Variants in PCDHGA6 observed in about 807,000 individuals in gnomAD.
The protein encoded by PCDHGA6 is protocadherin gamma-A6.
Under a neutral mutation model 60.6 loss-of-function variants are expected in PCDHGA6, and 41 were observed. That is an observed-to-expected ratio of 0.68 (90% CI 0.53 to 0.88). PCDHGA6 has a LOEUF of 0.88. Among genes scored for constraint, PCDHGA6 ranks in the 40% least tolerant of loss-of-function variants. The probability of loss-of-function intolerance (pLI) is 0.00; values close to 1 mark genes in which losing one functional copy is unlikely to be tolerated. For missense variants in PCDHGA6, 1,312 were observed against 1,203.0 expected (o/e 1.09, Z -1.34); for synonymous variants, 594 against 524.4 (o/e 1.13, Z -1.81).
intron 1 of PCDHGA6, among the ~76,000 whole-genome samples, chr5:141,460,709 A>G (rs2098995845): frequency 6.6e-6 from 1 of 151,794 alleles, no homozygotes; most frequent in Non-Finnish European, 1.5e-5. Flanking sequence ...ATGAGAATAA[A>G]CTATTGTTAT....
chr5:141,491,381 C>A lies in PCDHGA6; in HGVS notation c.2425-3426C>A. On this transcript the variant is annotated intron_variant, in intron 1 of 3. Transcript: ENST00000517434. This position sits in a 1 kb window ranked among gnomAD's most constrained non-coding sequence, Gnocchi z 6.9. ...CTAGTCACCTTCACCTTTCTGTCAGCGAAGTGCCTTCAGGGAAACGCAGAC... is the reference window on the plus strand; with the variant it reads ...CTAGTCACCTTCACCTTTCTGTCAGAGAAGTGCCTTCAGGGAAACGCAGAC... 2 of 1,614,068 alleles carry A rather than the reference C, an allele frequency of 1.2e-6. No homozygotes were observed. The highest frequency in any genetic ancestry group is 1.7e-6 in the Non-Finnish European group (2 of 1,179,950).
chr5:141,441,442 C>G (rs938839707), intron 1 of PCDHGA6: 1 of 160,500 alleles, frequency 6.2e-6, no homozygotes, highest in African/African-American at 2.4e-5. Context: ...CTCGTCCAGC[C>G]CAAGCATCAC....
rs747585516 is a variant in PCDHGA6, at chr5:141,409,120, A to G, written c.2424+32613A>G. ...CAGGTATGATTAAGAATAACCAGTC[A>G]TTTGATTTTGAAGATGTAGAAAGGT... On this transcript the variant is annotated intron_variant, in intron 1 of 3. Transcript: ENST00000517434. 6 of 1,613,844 alleles carry G rather than the reference A, an allele frequency of 3.7e-6. No homozygotes were observed. The African/African-American group carries it at 8.0e-5, about 22-fold the overall frequency.
chr5:141,421,125 C>G, intron 1 of PCDHGA6: 1 of 804,210 alleles, frequency 1.2e-6, no homozygotes, highest in Admixed American at 3.0e-5. Flanking sequence ...CCTTCGCTTT[C>G]TGATATATTT....
chr5:141,488,131 G>A (rs2099672034), intron 1 of PCDHGA6, among the ~76,000 whole-genome samples: 1 of 152,202 alleles, frequency 6.6e-6, no homozygotes, highest in Non-Finnish European at 1.5e-5. Context: ...GCAGAAAGAG[G>A]AGAGAACTAA....
At position 141,486,135 on chromosome 5, in the gene PCDHGA6, G is replaced by A. The variant is rs145871538; in HGVS notation, c.2425-8672G>A. ...GAGAATTACTATGAATTTGATGTGC[G>A]GGCTCGCGATGGGGGTTCTCCAGCC... On this transcript the variant is annotated intron_variant, in intron 1 of 3. Transcript: ENST00000517434. This position sits in a 1 kb window ranked among gnomAD's most constrained non-coding sequence, Gnocchi z 5.0. The A allele has an allele frequency of 1.9e-6, 3 of 1,614,168 alleles. No homozygotes were observed. Among genetic ancestry groups the A allele is most frequent in the Non-Finnish European group, 2.5e-6 (3 of 1,180,022 alleles).
intron 1 of PCDHGA6, chr5:141,399,703 C>T: frequency 1.2e-6 from 2 of 1,613,474 alleles, no homozygotes; most frequent in African/African-American, 1.3e-5. Flanking sequence ...CACCTTCGAA[C>T]TCACACTACA....
At chr5:141,400,089 C>T (rs200160561) in intron 1 of PCDHGA6, 568 of 1,613,960 alleles carry the variant, frequency 3.5e-4, no homozygotes, top group Non-Finnish European at 4.6e-4. Flanking sequence ...CCGCCACCGC[C>T]ACGCTGCACT....
At chr5:141,433,364 T>C (rs1246641841) in intron 1 of PCDHGA6, 1 of 524,614 alleles carries the variant, frequency 1.9e-6, no homozygotes, top group Admixed American at 3.5e-5. Context: ...TCTGCCTATC[T>C]ATCTATCTAT....
chr5:141,408,339 T>C lies in PCDHGA6; in HGVS notation c.2424+31832T>C, dbSNP rs768142301. 1.7e-5 allele frequency: 27 copies of C among 1,613,672 alleles called. No homozygotes were observed. In the Middle Eastern group the frequency reaches 9.9e-4, roughly 59 times the overall value. ...CCGGAGGAGCTGGCCAAGGGCTCGGTGGTGGGGAACCTCGCTAAGGATCTA... is the reference window on the plus strand; with the variant it reads ...CCGGAGGAGCTGGCCAAGGGCTCGGCGGTGGGGAACCTCGCTAAGGATCTA... On this transcript the variant is annotated intron_variant, in intron 1 of 3. Coordinates refer to ENST00000517434, the MANE Select transcript of PCDHGA6 (RefSeq NM_018919.3).
In PCDHGA6 at chr5:141,375,892, G is replaced by C. The variant is rs753797132; in HGVS notation, c.1809G>C (p.Trp603Cys). The change falls in exon 1 of 4, where the codon TGG (tryptophan) becomes TGC (cysteine). Residue 603 changes from tryptophan to cysteine, a missense_variant. Transcript: ENST00000517434. ...AVDRDSGQNA[W>C]LSYRLLKASE... is the part of the protein sequence containing the mutation. ...ACAGAGACTCGGGCCAGAACGCCTG[G>C]CTGTCCTACCGCCTGCTCAAGGCCA... is the stretch of plus-strand genomic sequence containing the variant. 5 of 1,613,676 alleles carry C rather than the reference G, an allele frequency of 3.1e-6. No individual in the cohort carries two copies. In the Admixed American group the frequency reaches 8.3e-5, roughly 27 times the overall value.
chr5:141,421,860 C>T (rs759779291), intron 1 of PCDHGA6: 1 of 1,613,750 alleles, frequency 6.2e-7, no homozygotes. Flanking sequence ...CTCACCTGCT[C>T]CTCCTCACAG....
At position 141,490,776 on chromosome 5, in the gene PCDHGA6, G is replaced by A. The variant is rs1234115299; in HGVS notation, c.2425-4031G>A. 4.3e-6 allele frequency: 7 copies of A among 1,614,162 alleles called. No individual in the cohort carries two copies. Among genetic ancestry groups the A allele is most frequent in the African/African-American group, 1.3e-5 (1 of 75,066 alleles). On this transcript the variant is annotated intron_variant, in intron 1 of 3. Transcript: ENST00000517434. This position sits in a 1 kb window ranked among gnomAD's most constrained non-coding sequence, Gnocchi z 5.4. ...CCTCCTTTGTGTATGTCAACCCAGA[G>A]GATGGACGGATCTTTGCCCAGCGTA...
chr5:141,415,603 T>C, intron 1 of PCDHGA6: 6 of 1,613,954 alleles, frequency 3.7e-6, no homozygotes, highest in Non-Finnish European at 5.1e-6. Flanking sequence ...GGATACCCCA[T>C]TGGTTCCAGT....
chr5:141,394,748 C>G (rs960054108), intron 1 of PCDHGA6: 7 of 1,613,296 alleles, frequency 4.3e-6, no homozygotes, highest in Non-Finnish European at 5.9e-6. Flanking sequence ...TCGTGGTGGC[C>G]GTCCAGGACC....
chr5:141,408,055 C>T lies in PCDHGA6; in HGVS notation c.2424+31548C>T, dbSNP rs1012762205. 35 of 1,299,012 alleles carry T rather than the reference C, an allele frequency of 2.7e-5. No homozygotes were observed. In the South Asian group the frequency reaches 3.8e-4, roughly 14 times the overall value. 80.5% of individuals were successfully genotyped at this position (1,299,012 alleles called of 1,614,324 possible). On this transcript the variant is annotated intron_variant, in intron 1 of 3. Coordinates refer to ENST00000517434, the MANE Select transcript of PCDHGA6 (RefSeq NM_018919.3). ...AAAACCAGCTCCCACACAGAGCCTCCCGGCTGCGCAGACCTTTCCCAGCAC... is the reference window on the plus strand; with the variant it reads ...AAAACCAGCTCCCACACAGAGCCTCTCGGCTGCGCAGACCTTTCCCAGCAC...
At chr5:141,499,186 T>A (rs1332703037) in intron 2 of PCDHGA6, among the ~76,000 whole-genome samples, 2 of 152,036 alleles carry the variant, frequency 1.3e-5, no homozygotes, top group Non-Finnish European at 2.9e-5. Context: ...AGCAAACCAT[T>A]TCCCCCTTCT....
At chr5:141,428,019 G>C in intron 1 of PCDHGA6, 1 of 1,604,824 alleles carries the variant, frequency 6.2e-7, no homozygotes, top group Non-Finnish European at 8.5e-7. Flanking sequence ...AGTGCCACGC[G>C]CCGCAGAGTC....
At chr5:141,492,063 C>T in intron 1 of PCDHGA6, 1 of 481,160 alleles carries the variant, frequency 2.1e-6, no homozygotes, top group African/African-American at 2.0e-5. Flanking sequence ...CAGCCAGCCT[C>T]CTAGGCGCCG....
Sources: allele counts gnomAD v4.1 joint callset (sites outside exome capture counted in the v4.1 genomes callset), GRCh38; gene constraint gnomAD v4.1.1; non-coding constraint Gnocchi (gnomAD v3.1); transcripts MANE v1.5; gene names NCBI Gene and HGNC (gene_info 2026-07-23, HGNC 2026-07-21).